The following ELMO1 variants were observed in gnomAD, a reference collection of about 807,000 sequenced individuals.
The protein encoded by ELMO1 is engulfment and cell motility 1, also known as engulfment and cell motility protein 1.
In ELMO1, 26 loss-of-function variants were observed where a neutral mutation model predicts 98.9. The ratio of observed to expected loss-of-function variants is 0.26; its 90% CI spans 0.19 to 0.36. The LOEUF (loss-of-function observed/expected upper bound fraction) is 0.36, where lower values mean the gene tolerates loss of function less well. Ranked by LOEUF, ELMO1 falls within the 10% of genes least tolerant of loss-of-function variation. The pLI, the probability that ELMO1 is intolerant of heterozygous loss-of-function variation, is 1.00. For missense variants in ELMO1, 627 were observed against 935.2 expected, an observed-to-expected ratio of 0.67 and a Z score of 4.30; for synonymous variants, 346 against 346.0, an observed-to-expected ratio of 1.00 and a Z score of 0.00.
At chr7:36,931,075 A>G (rs1455106828) in intron 16 of ELMO1, among the ~76,000 whole-genome samples, 2 of 152,256 alleles carry the variant, frequency 1.3e-5, no homozygotes, top group South Asian at 2.1e-4. Flanking sequence ...TAATAAGATG[A>G]AAGCTTTGGT....
intron 15 of ELMO1, among the ~76,000 whole-genome samples, chr7:37,036,627 A>G (rs542022050): frequency 6.6e-6 from 1 of 152,084 alleles, no homozygotes; most frequent in African/African-American, 2.4e-5. Flanking sequence ...AATCCTCCCA[A>G]CTCAGATTCC....
intron 11 of ELMO1, 126 bp from the exon 12 acceptor site, chr7:37,213,583 G>C: frequency 2.4e-6 from 2 of 826,620 alleles, no homozygotes; most frequent in Non-Finnish European, 3.6e-6. Flanking sequence ...GGAAGGTGAG[G>C]GCACAGGGAA....
At chr7:37,282,015 C>T (rs148107482) in intron 4 of ELMO1, among the ~76,000 whole-genome samples, 61 of 95,450 alleles carry the variant, frequency 6.4e-4, no homozygotes, top group Non-Finnish European at 8.8e-4. Context: ...ACTAGCTCAT[C>T]GATTCAGCCT....
chr7:37,375,897 T>C, intron 1 of ELMO1: 1 of 673,516 alleles, frequency 1.5e-6, no homozygotes, highest in Non-Finnish European at 2.7e-6. Flanking sequence ...CCAACAGAGA[T>C]ACGTGCAGAC....
chr7:37,292,836 A>G (rs1323270403), intron 4 of ELMO1, among the ~76,000 whole-genome samples: 1 of 102,588 alleles, frequency 9.7e-6, no homozygotes, highest in South Asian at 3.5e-4. Flanking sequence ...CCGGGAGGTG[A>G]GGGGCGCCTC....
At chr7:36,880,985 T>C (rs960929692) in intron 18 of ELMO1, among the ~76,000 whole-genome samples, 35 of 152,222 alleles carry the variant, frequency 2.3e-4, no homozygotes, top group Admixed American at 1.8e-3. Context: ...GTTTTCCTCC[T>C]ACCTCTGGCT....
intron 13 of ELMO1, among the ~76,000 whole-genome samples, chr7:37,152,632 G>A (rs6979467): frequency 0.12 from 17,821 of 152,130 alleles, 1,268 homozygotes; most frequent in Middle Eastern, 0.23. Context: ...TAGAAATGGT[G>A]GGAAGCATAC....
At chr7:37,337,946 C>G (rs1189855494) in intron 2 of ELMO1, among the ~76,000 whole-genome samples, 3 of 152,134 alleles carry the variant, frequency 2.0e-5, no homozygotes, top group Non-Finnish European at 4.4e-5. Flanking sequence ...ATTAGGACAC[C>G]TCTTTATTAC....
chr7:37,342,535 G>A lies in ELMO1; in HGVS notation c.78+78C>T, dbSNP rs1224291174. 4 of 1,382,586 alleles carry A rather than the reference G, an allele frequency of 2.9e-6. No individual in the cohort carries two copies. Among genetic ancestry groups the A allele is most frequent in the East Asian group, 2.3e-5 (1 of 43,820 alleles). 85.6% of individuals were successfully genotyped at this position (1,382,586 alleles called of 1,614,324 possible). The stretch of plus-strand genomic sequence containing the variant: ...GCTAGAGAGAGAAAGGGAGAAGAGT[G>A]AGCTATCCAAAGTCTATGAAAATTC... On this transcript the variant is annotated intron_variant, in intron 2 of 21. Coordinates refer to ENST00000310758, the MANE Select transcript of ELMO1 (RefSeq NM_014800.11). The surrounding 1 kb of genome is among the most constrained non-coding windows in gnomAD (Gnocchi z 4.3).
chr7:37,028,307 T>C (rs185961027), intron 15 of ELMO1, among the ~76,000 whole-genome samples: 25 of 152,270 alleles, frequency 1.6e-4, no homozygotes, highest in Admixed American at 5.9e-4. Context: ...CTAGAAAGCT[T>C]ATTTGCCGTG....
intron 15 of ELMO1, among the ~76,000 whole-genome samples, chr7:37,015,865 A>G (rs1449883247): frequency 6.6e-6 from 1 of 152,194 alleles, no homozygotes; most frequent in Admixed American, 6.5e-5. Flanking sequence ...GCAAAAACAT[A>G]TAAGTGATCC....
chr7:37,027,274 G>A (rs1025051274), intron 15 of ELMO1, among the ~76,000 whole-genome samples: 6 of 152,122 alleles, frequency 3.9e-5, no homozygotes, highest in South Asian at 2.1e-4. Context: ...ATCTGATTAC[G>A]TTTTTAAAAT....
intron 13 of ELMO1, among the ~76,000 whole-genome samples, chr7:37,137,697 T>C (rs1787360992): frequency 6.6e-6 from 1 of 152,060 alleles, no homozygotes; most frequent in African/African-American, 2.4e-5. Flanking sequence ...CCACCATGCC[T>C]GGCTACTTTT....
chr7:36,944,481 G>T (rs973120326), intron 16 of ELMO1, among the ~76,000 whole-genome samples: 11 of 152,138 alleles, frequency 7.2e-5, no homozygotes, highest in Non-Finnish European at 1.3e-4. Flanking sequence ...GGGACCTCCC[G>T]TATAATATTT....
chr7:37,338,875 C>G (rs1800570863), intron 2 of ELMO1, among the ~76,000 whole-genome samples: 1 of 152,108 alleles, frequency 6.6e-6, no homozygotes, highest in Non-Finnish European at 1.5e-5. Context: ...CTAAGAAGCT[C>G]CTGGGGATTT....
chr7:37,286,679 G>T (rs938827356), intron 4 of ELMO1, among the ~76,000 whole-genome samples: 3 of 152,124 alleles, frequency 2.0e-5, no homozygotes, highest in Non-Finnish European at 2.9e-5. Flanking sequence ...AGAAGGGAGA[G>T]AATCTCAGGC....
chr7:37,376,775 A>T (rs993758104), intron 1 of ELMO1, among the ~76,000 whole-genome samples: 30 of 152,206 alleles, frequency 2.0e-4, no homozygotes, highest in African/African-American at 5.5e-4. Flanking sequence ...CTGCCTTGTG[A>T]TAACTAAACT....
chr7:37,040,906 G>T (rs1795468892), intron 15 of ELMO1, among the ~76,000 whole-genome samples: 2 of 151,792 alleles, frequency 1.3e-5, no homozygotes, highest in Admixed American at 6.6e-5. Context: ...GCAAAACCCC[G>T]TCTCTACTAA....
At chr7:37,322,895 C>A (rs977402057) in intron 2 of ELMO1, among the ~76,000 whole-genome samples, 1 of 152,114 alleles carries the variant, frequency 6.6e-6, no homozygotes, top group African/African-American at 2.4e-5. Context: ...CAAATCATCA[C>A]TAAATATCTT....
Sources: allele counts gnomAD v4.1 joint callset (sites outside exome capture counted in the v4.1 genomes callset), GRCh38; gene constraint gnomAD v4.1.1; non-coding constraint Gnocchi (gnomAD v3.1); transcripts MANE v1.5; gene names NCBI Gene and HGNC (gene_info 2026-07-23, HGNC 2026-07-21).